Variants in EEIG1 observed in about 807,000 individuals in gnomAD.
The protein encoded by EEIG1 is early estrogen-induced gene 1 protein.
the EEIG1 span, among the ~76,000 whole-genome samples, chr9:127,969,497 G>C: frequency 6.6e-6 from 1 of 152,132 alleles, no homozygotes; most frequent in African/African-American, 2.4e-5. Flanking sequence ...AGACTACGAT[G>C]GGCACATAAT....
the EEIG1 span, among the ~76,000 whole-genome samples, chr9:127,972,934 A>C: frequency 6.6e-6 from 1 of 152,160 alleles, no homozygotes; most frequent in Non-Finnish European, 1.5e-5. The surrounding 1 kb of genome is among the most constrained non-coding windows in gnomAD (Gnocchi z 4.3). Context: ...GTCTGACCTC[A>C]TAGTGGGTGG....
At chr9:127,957,213 A>G in the EEIG1 span, among the ~76,000 whole-genome samples, 1 of 152,128 alleles carries the variant, frequency 6.6e-6, no homozygotes, top group African/African-American at 2.4e-5. Context: ...TGGGCAACAG[A>G]GTGAGACCTT....
the EEIG1 span, among the ~76,000 whole-genome samples, chr9:127,970,119 CTTT>C: frequency 1.4e-5 from 2 of 147,832 alleles, no homozygotes; most frequent in Non-Finnish European, 3.0e-5. Flanking sequence ...GCATCATACA[CTTT>C]TTTTTTTTTG....
chr9:127,975,278 C>T, the EEIG1 span, among the ~76,000 whole-genome samples: 1 of 152,236 alleles, frequency 6.6e-6, no homozygotes, highest in Non-Finnish European at 1.5e-5. Context: ...ACCATCCCAG[C>T]CGTGCCATGG....
the EEIG1 span, among the ~76,000 whole-genome samples, chr9:127,958,970 T>G: frequency 5.3e-5 from 8 of 152,150 alleles, no homozygotes; most frequent in African/African-American, 1.9e-4. Context: ...AAAACTAAAA[T>G]GAGATACTAC....
At chr9:127,942,146 A>C in the EEIG1 span, 1 of 152,786 alleles carries the variant, frequency 6.5e-6, no homozygotes, top group East Asian at 1.9e-4. Flanking sequence ...TTTTCTGGTA[A>C]GGAAGCCAGC....
chr9:127,951,814 CA>C, the EEIG1 span, among the ~76,000 whole-genome samples: 503 of 109,196 alleles, frequency 4.6e-3, 5 homozygotes, highest in East Asian at 0.049. Context: ...GACTCCATCT[CA>C]AAAAAAAAAA....
At chr9:127,941,220 C>T in the EEIG1 span, 1 of 152,250 alleles carries the variant, frequency 6.6e-6, no homozygotes, top group African/African-American at 2.4e-5. Context: ...GTGGCAGGCT[C>T]TGTCTCCTTC....
chr9:127,971,752 C>T, the EEIG1 span, among the ~76,000 whole-genome samples: 1 of 152,200 alleles, frequency 6.6e-6, no homozygotes, highest in Non-Finnish European at 1.5e-5. Context: ...GAGATGTGGA[C>T]AGAGACTGCA....
the EEIG1 span, chr9:127,953,774 C>G: frequency 2.5e-6 from 4 of 1,613,958 alleles, no homozygotes; most frequent in Admixed American, 1.7e-5. Flanking sequence ...ATAGCCCAGC[C>G]CAGCAGCCCC....
chr9:127,944,495 C>G, the EEIG1 span: 11 of 723,782 alleles, frequency 1.5e-5, no homozygotes. Context: ...CATGACAGGC[C>G]CAGGGTCACA....
chr9:127,943,126 C>T, the EEIG1 span: 1 of 1,505,560 alleles, frequency 6.6e-7, no homozygotes, highest in Non-Finnish European at 9.3e-7. Context: ...GAAAGTTCCT[C>T]ATGGAATGAT....
At chr9:127,943,212 C>T in the EEIG1 span, 6 of 1,614,186 alleles carry the variant, frequency 3.7e-6, no homozygotes, top group Non-Finnish European at 4.2e-6. Context: ...TCAATCACAA[C>T]TGGCTCGTAG....
chr9:127,959,890 G>T, the EEIG1 span, among the ~76,000 whole-genome samples: 2 of 152,130 alleles, frequency 1.3e-5, no homozygotes, highest in East Asian at 3.8e-4. Flanking sequence ...ACTGCTAATG[G>T]GTTTGGGATT....
At chr9:127,970,629 C>T in the EEIG1 span, among the ~76,000 whole-genome samples, 1 of 152,186 alleles carries the variant, frequency 6.6e-6, no homozygotes, top group Admixed American at 6.5e-5. Flanking sequence ...CCCAAGCAAT[C>T]AACCCCATGG....
At chr9:127,960,557 G>A in the EEIG1 span, among the ~76,000 whole-genome samples, 2 of 152,172 alleles carry the variant, frequency 1.3e-5, no homozygotes, top group African/African-American at 4.8e-5. Context: ...GCTGGGGAGT[G>A]GCCATGGCTC....
At chr9:127,975,204 C>G in the EEIG1 span, among the ~76,000 whole-genome samples, 43 of 152,342 alleles carry the variant, frequency 2.8e-4, no homozygotes, top group East Asian at 8.3e-3. Context: ...GGGCCCCCAG[C>G]GCGGCACTGA....
chr9:127,940,787 C>T, the EEIG1 span: 1 of 151,888 alleles, frequency 6.6e-6, no homozygotes, highest in Admixed American at 6.6e-5. Flanking sequence ...TTATCACCTC[C>T]CTAAAGACAG....
At chr9:127,953,868 C>G in the EEIG1 span, 1 of 1,614,028 alleles carries the variant, frequency 6.2e-7, no homozygotes, top group Non-Finnish European at 8.5e-7. Flanking sequence ...TAGCACTCAT[C>G]TTACACACGA....
Sources: allele counts gnomAD v4.1 joint callset (sites outside exome capture counted in the v4.1 genomes callset), GRCh38; gene constraint gnomAD v4.1.1; non-coding constraint Gnocchi (gnomAD v3.1); transcripts MANE v1.5; gene names NCBI Gene and HGNC (gene_info 2026-07-23, HGNC 2026-07-21).